The following FDCSP variants were observed in gnomAD, a reference collection of about 807,000 sequenced individuals.
FDCSP encodes follicular dendritic cell secreted protein.
Under a neutral mutation model 8.9 loss-of-function variants are expected in FDCSP, and 8 were observed. That is an observed-to-expected ratio of 0.90 (90% CI 0.53 to 1.63). The LOEUF is 1.63. Ranked by LOEUF, FDCSP falls within the 40% of genes most tolerant of loss-of-function variation. The probability of loss-of-function intolerance (pLI) is 0.00; values close to 1 mark genes in which losing one functional copy is unlikely to be tolerated. For synonymous variants in FDCSP, 34 were observed against 34.5 expected (o/e 0.98, Z 0.06); for missense variants, 101 against 103.6 (o/e 0.98, Z 0.11).
intron 2 of FDCSP, among the ~76,000 whole-genome samples, chr4:70,232,111 A>G (rs1730093834): frequency 6.6e-6 from 1 of 151,734 alleles, no homozygotes; most frequent in Non-Finnish European, 1.5e-5. Context: ...TATCAAGGGA[A>G]GAAAAAGATG....
At chr4:70,232,604 AT>A (rs1473073105) in intron 2 of FDCSP, among the ~76,000 whole-genome samples, 1 of 151,356 alleles carries the variant, frequency 6.6e-6, no homozygotes, top group Non-Finnish European at 1.5e-5. Flanking sequence ...ATGACTCTAT[AT>A]TTTGTCTTGA....
intron 4 of FDCSP, 75 bp downstream of exon 4, chr4:70,234,290 A>T: frequency 8.2e-7 from 1 of 1,216,176 alleles, no homozygotes; most frequent in Non-Finnish European, 1.1e-6. Flanking sequence ...GGAAAAAAAA[A>T]TGTTAACTAT....
At position 70,233,739 on chromosome 4, in the gene FDCSP, G is replaced by A. The variant is rs546826516; in HGVS notation, c.91-281G>A. Among the ~76,000 whole-genome samples, 91 of 151,674 alleles carry A rather than the reference G, an allele frequency of 6.0e-4. 1 individual carries two copies. The Middle Eastern group carries it at 0.01, about 17-fold the overall frequency. ...ACAAAGGGAGAAATTTTATGGTACC[G>A]CAACACCACATTCATCTTGGCCTTG... On this transcript the variant is annotated intron_variant, in intron 3 of 4. Transcript: ENST00000317987.
In FDCSP at chr4:70,226,184, T is replaced by C. The variant is rs1188968154; in HGVS notation, c.-1+2T>C. Reference sequence around the variant, plus strand: ...AAAGAACTGACTGAAACGTTTGAGGTAAGAAAGGTCTTAAATATCATTGTA... The same window carrying C: ...AAAGAACTGACTGAAACGTTTGAGGCAAGAAAGGTCTTAAATATCATTGTA... On this transcript the variant is annotated splice_donor_variant, in intron 1 of 4. Coordinates refer to ENST00000317987, the MANE Select transcript of FDCSP (RefSeq NM_152997.4). LOFTEE classifies it low-confidence loss of function (5UTR_SPLICE). 6.6e-6 allele frequency: 1 copy of C among 151,894 alleles called. No individual in the cohort carries two copies. Among genetic ancestry groups the C allele is most frequent in the East Asian group, 1.9e-4 (1 of 5,168 alleles). The allele number at this position is 151,894 out of a possible 1,614,324, so 9.4% of individuals were successfully genotyped here. A position where few individuals can be genotyped will look rare whatever the true frequency, so the allele number is the denominator to read the frequency against.
chr4:70,232,172 G>T (rs1730095087), intron 2 of FDCSP, among the ~76,000 whole-genome samples: 1 of 151,564 alleles, frequency 6.6e-6, no homozygotes, highest in African/African-American at 2.4e-5. Context: ...AAAGTCCACA[G>T]GAGTAAACAG....
At chr4:70,232,959 C>T (rs1192802374) in intron 2 of FDCSP, 35 bp from the exon 3 acceptor site, 3 of 1,558,022 alleles carry the variant, frequency 1.9e-6, no homozygotes, top group African/African-American at 2.8e-5. Context: ...TTTTCATGAG[C>T]ATGAGTTTAA....
chr4:70,233,082 C>A, intron 3 of FDCSP, 56 bp downstream of exon 3: 1 of 1,426,950 alleles, frequency 7.0e-7, no homozygotes, highest in Non-Finnish European at 9.7e-7. Context: ...ATATTCATAA[C>A]TATTGTTAAA....
chr4:70,231,355 A>C, intron 2 of FDCSP, 104 bp downstream of exon 2: 1 of 913,470 alleles, frequency 1.1e-6, no homozygotes, highest in East Asian at 2.7e-5. Context: ...AAAAGATTAT[A>C]ACAGAGCTAC....
intron 2 of FDCSP, among the ~76,000 whole-genome samples, chr4:70,232,673 A>T (rs1401056107): frequency 6.6e-6 from 1 of 151,570 alleles, no homozygotes; most frequent in Admixed American, 6.6e-5. Flanking sequence ...AAGAATACCT[A>T]ACACACACGC....
intron 3 of FDCSP, 123 bp from the exon 4 acceptor site, chr4:70,233,897 G>T (rs533149772): frequency 8.3e-6 from 7 of 847,228 alleles, no homozygotes; most frequent in South Asian, 1.9e-5. Flanking sequence ...AAAGGATAAA[G>T]GATTTTAGAG....
rs750928020 is a variant in FDCSP at position 70,234,225 on chromosome 4, C to T, written c.*28+10C>T. The T allele has an allele frequency of 6.5e-7, 1 of 1,539,602 alleles. No individual in the cohort carries two copies. Among genetic ancestry groups the T allele is most frequent in the Non-Finnish European group, 8.8e-7 (1 of 1,137,986 alleles). The stretch of plus-strand genomic sequence containing the variant: ...AGTCACGATAAACCTGGTAAGTACA[C>T]ATAGTTACAATCATAGTTTATTTTA... On this transcript the variant is annotated intron_variant, in intron 4 of 4. Transcript: ENST00000317987.
intron 1 of FDCSP, among the ~76,000 whole-genome samples, chr4:70,228,073 G>A (rs947698889): frequency 2.0e-5 from 3 of 151,740 alleles, no homozygotes; most frequent in Non-Finnish European, 4.4e-5. Flanking sequence ...AGATTTCTCT[G>A]TAGCATGCGA....
intron 4 of FDCSP, among the ~76,000 whole-genome samples, 180 bp from the exon 5 acceptor site, chr4:70,234,905 A>C (rs1244406041): frequency 6.6e-6 from 1 of 151,454 alleles, no homozygotes; most frequent in African/African-American, 2.4e-5. Context: ...AAAATATTTC[A>C]GCTACTACTT....
chr4:70,227,156 G>C (rs1219013334), intron 1 of FDCSP, among the ~76,000 whole-genome samples: 1 of 151,666 alleles, frequency 6.6e-6, no homozygotes, highest in Non-Finnish European at 1.5e-5. Flanking sequence ...AAAGCACCCA[G>C]CATTGTTGCT....
intron 2 of FDCSP, 39 bp from the exon 3 acceptor site, chr4:70,232,955 T>G: frequency 1.9e-6 from 3 of 1,546,220 alleles, no homozygotes; most frequent in Non-Finnish European, 2.6e-6. Context: ...TGTGTTTTCA[T>G]GAGCATGAGT....
intron 2 of FDCSP, 67 bp downstream of exon 2, chr4:70,231,318 A>C: frequency 7.8e-7 from 1 of 1,284,992 alleles, no homozygotes. Context: ...TATGTCAACC[A>C]GGAACCACAT....
intron 3 of FDCSP, 26 bp downstream of exon 3, chr4:70,233,052 A>C (rs780337318): frequency 1.9e-6 from 3 of 1,573,748 alleles, no homozygotes; most frequent in Non-Finnish European, 2.6e-6. Flanking sequence ...TCTTTTTTAC[A>C]TGTAAGTTTT....
In FDCSP at chr4:70,234,001, A is replaced by T. The variant is rs764131605; in HGVS notation, c.91-19A>T. Reference sequence around the variant, plus strand: ...TTGTAAAAAGTGAAATAAACCCTTTAACTTCTTTCTTTCAACAGATCAGTG... The same window carrying T: ...TTGTAAAAAGTGAAATAAACCCTTTTACTTCTTTCTTTCAACAGATCAGTG... On this transcript the variant is annotated intron_variant, in intron 3 of 4. Coordinates refer to ENST00000317987, the MANE Select transcript of FDCSP (RefSeq NM_152997.4). The T allele has an allele frequency of 1.3e-6, 2 of 1,580,398 alleles. No homozygotes were observed. Among genetic ancestry groups the T allele is most frequent in the Non-Finnish European group, 1.7e-6 (2 of 1,165,894 alleles).
At chr4:70,230,802 G>A (rs750093559) in intron 1 of FDCSP, among the ~76,000 whole-genome samples, 4 of 151,546 alleles carry the variant, frequency 2.6e-5, no homozygotes, top group Admixed American at 2.0e-4. Flanking sequence ...ATAAACCAAT[G>A]CATTATTTCT....
Sources: allele counts gnomAD v4.1 joint callset (sites outside exome capture counted in the v4.1 genomes callset), GRCh38; gene constraint gnomAD v4.1.1; transcripts MANE v1.5; gene names NCBI Gene and HGNC (gene_info 2026-07-23, HGNC 2026-07-21).